MKLN1: variants seen among roughly 807,000 people sequenced by gnomAD.
MKLN1 encodes the protein muskelin 1.
MKLN1 carries 18 observed loss-of-function variants against 99.0 expected under a neutral mutation model. That is an observed-to-expected ratio of 0.18 (90% confidence interval 0.13 to 0.27). MKLN1 has a LOEUF of 0.27. Among genes scored for constraint, MKLN1 ranks in the 10% least tolerant of loss-of-function variants. The pLI, the probability that MKLN1 is intolerant of heterozygous loss-of-function variation, is 1.00. For missense variants in MKLN1, 621 were observed against 875.9 expected (o/e 0.71, Z 3.67); for synonymous variants, 288 against 293.2 (o/e 0.98, Z 0.18).
At chr7:131,464,204 A>T in intron 13 of MKLN1, 90 bp from the exon 14 acceptor site, 1 of 642,076 alleles carries the variant, frequency 1.6e-6, no homozygotes, top group Admixed American at 2.8e-5. Context: ...ATTTTTTGTT[A>T]GTAATTAGAC....
Position 131,461,724 on chromosome 7 carries a change from A to C in MKLN1, c.1526-1493A>C, listed in dbSNP as rs113727849. Among the ~76,000 whole-genome samples, 474 of 152,336 alleles carry C rather than the reference A, an allele frequency of 3.1e-3. 1 individual carries two copies. Among genetic ancestry groups the C allele is most frequent in the African/African-American group, 0.011 (452 of 41,582 alleles). ...GATATTTGTTTAGCTTTTTGAGCAC[A>C]TGATAATTGTTCATGGGTAAAAGAA... On this transcript the variant is annotated intron_variant, in intron 12 of 17. Transcript: ENST00000352689.
intron 12 of MKLN1, among the ~76,000 whole-genome samples, chr7:131,462,546 G>T (rs936949329): frequency 1.3e-5 from 2 of 152,086 alleles, no homozygotes; most frequent in Non-Finnish European, 2.9e-5. Context: ...ATGTAAAAAT[G>T]ATTATATTGC....
At chr7:131,449,818 G>A (rs1436883362) in intron 12 of MKLN1, among the ~76,000 whole-genome samples, 1 of 151,990 alleles carries the variant, frequency 6.6e-6, no homozygotes, top group Admixed American at 6.5e-5. Flanking sequence ...GTCTATTTCA[G>A]TCCTTAGTTA....
At chr7:131,447,786 C>T (rs563046717) in intron 12 of MKLN1, among the ~76,000 whole-genome samples, 115 of 152,256 alleles carry the variant, frequency 7.6e-4, no homozygotes, top group South Asian at 4.3e-3. Context: ...TAGACCCTAC[C>T]ATATACCAGA....
At chr7:131,420,092 T>C in intron 8 of MKLN1, among the ~76,000 whole-genome samples, 1 of 151,942 alleles carries the variant, frequency 6.6e-6, no homozygotes, top group East Asian at 1.9e-4. Flanking sequence ...AAATGCTAAA[T>C]GACGAGTTGA....
In MKLN1 at chr7:131,495,945, TAAACTC is replaced by T. The variant is rs1401040413; in HGVS notation, c.*8219_*8224del. On this transcript the variant is annotated 3_prime_UTR_variant, in exon 18 of 18. Coordinates refer to ENST00000352689, the MANE Select transcript of MKLN1 (RefSeq NM_013255.5). Reference sequence around the variant, plus strand: ...ATGGACTTTTTAATATGGCCATAATTAAACTCACACTCAAAAAGGATGAGCTATTGT... The same window carrying T: ...ATGGACTTTTTAATATGGCCATAATTACACTCAAAAAGGATGAGCTATTGT... The T allele has an allele frequency of 6.6e-6, 1 of 152,128 alleles. No homozygotes were observed. The highest frequency in any genetic ancestry group is 1.5e-5 in the Non-Finnish European group (1 of 68,036). The allele number at this position is 152,128 out of a possible 1,614,324, so 9.4% of individuals were successfully genotyped here. A position where few individuals can be genotyped will look rare whatever the true frequency, so the allele number is the denominator to read the frequency against.
chr7:131,251,232 C>T (rs913854545), intron 3 of MKLN1, among the ~76,000 whole-genome samples: 7 of 152,024 alleles, frequency 4.6e-5, no homozygotes, highest in Non-Finnish European at 7.4e-5. Context: ...TACCATCTTC[C>T]GAAACAAAAA....
At chr7:131,477,884 T>A (rs1258504498) in intron 16 of MKLN1, among the ~76,000 whole-genome samples, 1 of 152,264 alleles carries the variant, frequency 6.6e-6, no homozygotes. Context: ...TCTCTTTTCC[T>A]GCATTCTCAT....
chr7:131,471,099 AAATTGAAT>A, intron 16 of MKLN1, 155 bp downstream of exon 16: 1 of 561,744 alleles, frequency 1.8e-6, no homozygotes, highest in Non-Finnish European at 3.1e-6. Flanking sequence ...GGTGAAATAA[AAATTGAAT>A]AGGCATGTTT....
intron 3 of MKLN1, among the ~76,000 whole-genome samples, chr7:131,297,849 T>C (rs767263200): frequency 1.3e-5 from 2 of 152,200 alleles, no homozygotes; most frequent in Non-Finnish European, 2.9e-5. Flanking sequence ...AAGTTCATCC[T>C]TGAAGCAGCT....
intron 1 of MKLN1, among the ~76,000 whole-genome samples, chr7:131,140,414 T>A (rs1349109884): frequency 1.3e-5 from 2 of 152,082 alleles, no homozygotes; most frequent in East Asian, 3.9e-4. Flanking sequence ...GCATTGGAGG[T>A]GGGGCCTGGT....
chr7:131,336,737 C>T (rs1251047015), intron 1 of MKLN1, among the ~76,000 whole-genome samples: 1 of 152,074 alleles, frequency 6.6e-6, no homozygotes, highest in African/African-American at 2.4e-5. Flanking sequence ...TTATCACTCT[C>T]CTGCTTTTAT....
intron 3 of MKLN1, among the ~76,000 whole-genome samples, chr7:131,216,484 A>T (rs1351016885): frequency 6.6e-6 from 1 of 152,114 alleles, no homozygotes; most frequent in East Asian, 1.9e-4. Context: ...GTGTCTTTTA[A>T]TTTTTCTCCT....
chr7:131,200,418 C>T (rs905069862), intron 2 of MKLN1, among the ~76,000 whole-genome samples: 12 of 152,110 alleles, frequency 7.9e-5, no homozygotes, highest in Non-Finnish European at 1.6e-4. Flanking sequence ...AGAACATTAC[C>T]TGTGTTAAAT....
intron 1 of MKLN1, among the ~76,000 whole-genome samples, chr7:131,115,386 T>C (rs1795258818): frequency 6.6e-6 from 1 of 152,222 alleles, no homozygotes; most frequent in Non-Finnish European, 1.5e-5. Flanking sequence ...AAAATGTCTC[T>C]TTCGGTCTCC....
intron 16 of MKLN1, among the ~76,000 whole-genome samples, chr7:131,475,419 A>G (rs1796936656): frequency 6.6e-6 from 1 of 152,236 alleles, no homozygotes. Flanking sequence ...TCAACCATTC[A>G]AAGAAGGAAG....
At chr7:131,426,276 CA>C (rs1415107803) in intron 8 of MKLN1, among the ~76,000 whole-genome samples, 3 of 152,094 alleles carry the variant, frequency 2.0e-5, no homozygotes, top group Non-Finnish European at 4.4e-5. Flanking sequence ...GTTAATGAAC[CA>C]GGGTAACCTT....
Position 131,185,659 on chromosome 7 carries a change from C to G in MKLN1, c.-296-17198C>G, listed in dbSNP as rs147835579. ...TGAGTCACTCAAGCTTTCATTTCAT[C>G]CAGGGGTTGTGAACATAGATTCTGG... is the stretch of plus-strand genomic sequence containing the variant. On this transcript the variant is annotated intron_variant, in intron 2 of 7. Coordinates refer to the MKLN1 transcript ENST00000416992. 7.4e-4 allele frequency among the ~76,000 whole-genome samples: 112 copies of G among 152,240 alleles called. 2 individuals are homozygous for G. Among genetic ancestry groups the G allele is most frequent in the African/African-American group, 2.5e-3 (103 of 41,540 alleles).
At chr7:131,397,234 T>A in intron 4 of MKLN1, 33 bp from the exon 5 acceptor site, 1 of 1,364,018 alleles carries the variant, frequency 7.3e-7, no homozygotes, top group East Asian at 2.3e-5. Flanking sequence ...GTGTTAATAT[T>A]TTTCTTCTTC....
Sources: allele counts gnomAD v4.1 joint callset (sites outside exome capture counted in the v4.1 genomes callset), GRCh38; gene constraint gnomAD v4.1.1; transcripts MANE v1.5; gene names NCBI Gene and HGNC (gene_info 2026-07-23, HGNC 2026-07-21).